The following TYW1B variants were observed in gnomAD, a reference collection of about 807,000 sequenced individuals.
TYW1B encodes the protein S-adenosyl-L-methionine-dependent tRNA 4-demethylwyosine synthase TYW1B.
A neutral mutation model predicts 86.9 loss-of-function variants in TYW1B; 73 were observed. That is an observed-to-expected ratio of 0.84 (90% CI 0.70 to 1.02). The LOEUF is 1.02. Ranked by LOEUF, TYW1B falls within the 50% of genes least tolerant of loss-of-function variation. The probability of loss-of-function intolerance (pLI) is 0.00; values close to 1 mark genes in which losing one functional copy is unlikely to be tolerated. For missense variants in TYW1B, 637 were observed against 827.4 expected, an observed-to-expected ratio of 0.77 and a Z score of 2.82; for synonymous variants, 248 against 292.8, an observed-to-expected ratio of 0.85 and a Z score of 1.56.
intron 7 of TYW1B, among the ~76,000 whole-genome samples, chr7:72,753,069 A>G (rs1670114064): frequency 6.6e-6 from 1 of 152,172 alleles, no homozygotes; most frequent in African/African-American, 2.4e-5. Flanking sequence ...TTATCATGCC[A>G]TATCAATATG....
intron 7 of TYW1B, among the ~76,000 whole-genome samples, chr7:72,775,730 GAAAAAAA>G (rs113111246): frequency 1.5e-5 from 2 of 130,798 alleles, no homozygotes; most frequent in African/African-American, 5.6e-5. Flanking sequence ...GTTTAAATTA[GAAAAAAA>G]AAAAACAAAA....
At chr7:72,755,079 G>A (rs1195018358) in intron 7 of TYW1B, among the ~76,000 whole-genome samples, 2 of 152,064 alleles carry the variant, frequency 1.3e-5, no homozygotes, top group Non-Finnish European at 2.9e-5. Flanking sequence ...ATAAAATAAA[G>A]TGACAGGGTT....
At chr7:72,770,953 CTTTTTTTTTTTTT>C (rs202136569) in intron 7 of TYW1B, among the ~76,000 whole-genome samples, 29 of 87,500 alleles carry the variant, frequency 3.3e-4, no homozygotes, top group African/African-American at 8.6e-4. Flanking sequence ...TATGAATTTC[CTTTTTTTTTTTTT>C]TTTTTTTTTT....
At chr7:72,657,245 GGAAGAAAGAA>G (rs1813226065) in intron 11 of TYW1B, among the ~76,000 whole-genome samples, 1 of 152,060 alleles carries the variant, frequency 6.6e-6, no homozygotes, top group Non-Finnish European at 1.5e-5. Flanking sequence ...AGATTAGAGT[GGAAGAAAGAA>G]CTTCTGAACT....
intron 2 of TYW1B, among the ~76,000 whole-genome samples, chr7:72,818,093 C>G (rs1788758531): frequency 6.6e-6 from 1 of 150,556 alleles, no homozygotes; most frequent in Non-Finnish European, 1.5e-5. Flanking sequence ...AAAAAAAAAG[C>G]CTCACATCTC....
intron 11 of TYW1B, among the ~76,000 whole-genome samples, chr7:72,642,092 A>AT (rs1471553273): frequency 1.3e-5 from 2 of 152,196 alleles, no homozygotes; most frequent in Admixed American, 1.3e-4. Context: ...CGGCCAATTG[A>AT]TTTTGACAAG....
intron 3 of TYW1B, among the ~76,000 whole-genome samples, chr7:72,811,278 A>G (rs1450805566): frequency 1.7e-5 from 2 of 118,498 alleles, no homozygotes; most frequent in Non-Finnish European, 3.7e-5. Flanking sequence ...CTCAAAAAAA[A>G]AAAAAAAAGA....
rs568861928 is a variant in TYW1B, at chr7:72,737,670, C to G, written c.1082+6814G>C. On this transcript the variant is annotated intron_variant, in intron 8 of 13. Coordinates refer to ENST00000620995, the MANE Select transcript of TYW1B (RefSeq NM_001145440.3). ...TATGATGTGATCCCAATACTTCAGT[C>G]TACATAATCATATGGCTAACATACT... 9.8e-5 allele frequency among the ~76,000 whole-genome samples: 15 copies of G among 152,290 alleles called. No individual in the cohort carries two copies. The South Asian group carries it at 2.9e-3, about 29-fold the overall frequency.
rs189110479 is a variant in TYW1B at position 72,656,569 on chromosome 7, G to A, written c.1507-27572C>T. Among the ~76,000 whole-genome samples the A allele has an allele frequency of 4.1e-3, 616 of 151,908 alleles. 3 individuals are homozygous for A. The highest frequency in any genetic ancestry group is 0.014 in the African/African-American group (584 of 41,430). ...TTTGCAGTGAGCTGAGATCGAGATC[G>A]CGCCACTGCACTCCAGCCTGGGTGA... is the stretch of plus-strand genomic sequence containing the variant. On this transcript the variant is annotated intron_variant, in intron 11 of 13. Transcript: ENST00000620995.
intron 6 of TYW1B, among the ~76,000 whole-genome samples, chr7:72,791,552 C>T (rs1249066633): frequency 2.0e-5 from 3 of 151,808 alleles, no homozygotes; most frequent in Admixed American, 1.3e-4. Flanking sequence ...CCAAGGTGGG[C>T]GGATCATAAG....
chr7:72,687,970 T>G (rs1210166799), intron 11 of TYW1B, among the ~76,000 whole-genome samples: 3 of 152,108 alleles, frequency 2.0e-5, no homozygotes, highest in African/African-American at 7.2e-5. Context: ...GAGGATTGCT[T>G]GAGTCCAGGA....
rs139391502 is a variant in TYW1B, at chr7:72,582,486, A to T, written c.1786-6767T>A. ...ATATCCAAATCAAATGCATAGGGAGAATGAAAACACGTTTGGACATTAAAG... is the reference window on the plus strand; with the variant it reads ...ATATCCAAATCAAATGCATAGGGAGTATGAAAACACGTTTGGACATTAAAG... On this transcript the variant is annotated intron_variant, in intron 13 of 13. Coordinates refer to ENST00000620995, the MANE Select transcript of TYW1B (RefSeq NM_001145440.3). 2.1e-3 allele frequency among the ~76,000 whole-genome samples: 323 copies of T among 152,322 alleles called. 2 individuals are homozygous for T. Among genetic ancestry groups the T allele is most frequent in the African/African-American group, 7.5e-3 (310 of 41,570 alleles).
rs1206852947 is a variant in TYW1B, at chr7:72,810,395, TGTGTGTGTAC to T, written c.432+66_432+75del. The T allele has an allele frequency of 3.3e-5, 47 of 1,435,654 alleles. No homozygotes were observed. The African/African-American group carries it at 3.6e-4, about 11-fold the overall frequency. 88.9% of individuals were successfully genotyped at this position (1,435,654 alleles called of 1,614,324 possible). A position where few individuals can be genotyped will look rare whatever the true frequency, so the allele number is the denominator to read the frequency against. ...GTGTACGTGTGTGCACGTGTGTTTGTGTGTGTGTACGTGTGTGTGCGTGTGTGTGTGTGTT... is the reference window on the plus strand; with the variant it reads ...GTGTACGTGTGTGCACGTGTGTTTGTGTGTGTGTGCGTGTGTGTGTGTGTT... On this transcript the variant is annotated intron_variant, in intron 4 of 13. Transcript: ENST00000620995.
At chr7:72,698,202 C>G (rs1198425195) in intron 10 of TYW1B, among the ~76,000 whole-genome samples, 2 of 152,148 alleles carry the variant, frequency 1.3e-5, no homozygotes, top group Non-Finnish European at 1.5e-5. Context: ...ACTCACCGAG[C>G]TGGCACACTC....
At chr7:72,694,018 T>C (rs1380217987) in intron 11 of TYW1B, among the ~76,000 whole-genome samples, 1 of 152,104 alleles carries the variant, frequency 6.6e-6, no homozygotes, top group Non-Finnish European at 1.5e-5. Context: ...TGCAGTGCAG[T>C]GGCATGATCT....
At chr7:72,673,702 T>A (rs144567330) in intron 11 of TYW1B, among the ~76,000 whole-genome samples, 4,352 of 151,320 alleles carry the variant, frequency 0.029, 204 homozygotes, top group African/African-American at 0.097. Context: ...ACAGGTTGAC[T>A]ATATAGTCAA....
intron 5 of TYW1B, among the ~76,000 whole-genome samples, chr7:72,802,960 G>A (rs1350773764): frequency 1.3e-5 from 2 of 152,134 alleles, no homozygotes; most frequent in Admixed American, 1.3e-4. Flanking sequence ...TCTAGGCTGG[G>A]CATGGTGGCT....
intron 11 of TYW1B, among the ~76,000 whole-genome samples, chr7:72,657,059 A>T (rs1813221664): frequency 1.3e-5 from 2 of 152,204 alleles, no homozygotes; most frequent in African/African-American, 4.8e-5. Flanking sequence ...AAGAAAAGGA[A>T]ATTTATGAAA....
intron 7 of TYW1B, among the ~76,000 whole-genome samples, chr7:72,773,807 T>C (rs576962490): frequency 6.6e-6 from 1 of 152,122 alleles, no homozygotes; most frequent in East Asian, 1.9e-4. Flanking sequence ...CTCACACCTG[T>C]AAATCCCAGC....
Sources: gnomAD v4.1 joint callset for allele counts (sites outside exome capture counted in the v4.1 genomes callset) on GRCh38, gnomAD v4.1.1 for gene constraint, MANE v1.5 for transcripts, NCBI Gene and HGNC (gene_info 2026-07-23, HGNC 2026-07-21) for gene names.